Variants in RHOJ observed in about 807,000 individuals in gnomAD.
RHOJ encodes the protein rho-related GTP-binding protein RhoJ.
In RHOJ, 11 loss-of-function variants were observed where a neutral mutation model predicts 23.4. The ratio of observed to expected loss-of-function variants is 0.47; its 90% CI spans 0.30 to 0.78. The LOEUF is 0.78. Among genes scored for constraint, RHOJ ranks in the 30% least tolerant of loss-of-function variants. The pLI, the probability that RHOJ is intolerant of heterozygous loss-of-function variation, is 0.08. For synonymous variants in RHOJ, 102 were observed against 102.7 expected, an observed-to-expected ratio of 0.99 and a Z score of 0.04; for missense variants, 254 against 273.4, an observed-to-expected ratio of 0.93 and a Z score of 0.50.
rs562301669 is a variant in RHOJ at position 63,228,583 on chromosome 14, A to T, written c.178+23536A>T. ...TCTGATAAAGTTGTATGTGAAAAAA[A>T]GTCAAACTACAGAAAAATGTGTATA... is the stretch of plus-strand genomic sequence containing the variant. On this transcript the variant is annotated intron_variant, in intron 1 of 4. Coordinates refer to ENST00000316754, the MANE Select transcript of RHOJ (RefSeq NM_020663.5). Among the ~76,000 whole-genome samples the T allele has an allele frequency of 9.8e-5, 15 of 152,314 alleles. No individual in the cohort carries two copies. In the South Asian group the frequency reaches 3.1e-3, roughly 32 times the overall value.
intron 1 of RHOJ, among the ~76,000 whole-genome samples, chr14:63,223,154 G>A (rs1366338544): frequency 6.6e-6 from 1 of 152,206 alleles, no homozygotes; most frequent in Non-Finnish European, 1.5e-5. Context: ...CATCTTGGAG[G>A]CACTTTCTCC....
At chr14:63,280,275 TTGGCTTC>T (rs1413547972) in intron 2 of RHOJ, among the ~76,000 whole-genome samples, 1 of 152,154 alleles carries the variant, frequency 6.6e-6, no homozygotes, top group Non-Finnish European at 1.5e-5. Context: ...TCCTCCCGCC[TTGGCTTC>T]CAAAGTGCTG....
intron 4 of RHOJ, among the ~76,000 whole-genome samples, chr14:63,286,046 T>G (rs1401702669): frequency 2.0e-5 from 3 of 152,228 alleles, no homozygotes; most frequent in African/African-American, 7.2e-5. Flanking sequence ...TGCTGGGTTT[T>G]TAACATGCAC....
chr14:63,260,676 C>T (rs1302502411), intron 1 of RHOJ, among the ~76,000 whole-genome samples: 1 of 152,170 alleles, frequency 6.6e-6, no homozygotes, highest in Non-Finnish European at 1.5e-5. Flanking sequence ...GAATATTTTA[C>T]CACATTCCCC....
At chr14:63,227,366 ATAAAC>A (rs926245946) in intron 1 of RHOJ, among the ~76,000 whole-genome samples, 8 of 152,236 alleles carry the variant, frequency 5.3e-5, no homozygotes, top group Non-Finnish European at 1.0e-4. Flanking sequence ...TCTTGGGGAA[ATAAAC>A]TAATATATTT....
intron 1 of RHOJ, among the ~76,000 whole-genome samples, chr14:63,258,648 T>A (rs1895222177): frequency 6.6e-6 from 1 of 152,190 alleles, no homozygotes; most frequent in Admixed American, 6.5e-5. Flanking sequence ...CCCTGGGCTT[T>A]CCTGAGTTGC....
chr14:63,226,356 C>T (rs1343446583), intron 1 of RHOJ, among the ~76,000 whole-genome samples: 1 of 151,442 alleles, frequency 6.6e-6, no homozygotes, highest in African/African-American at 2.4e-5. Flanking sequence ...TGTGGGCTAG[C>T]AAAACTCAGG....
intron 1 of RHOJ, among the ~76,000 whole-genome samples, chr14:63,229,730 G>A (rs747011726): frequency 1.3e-5 from 2 of 152,074 alleles, no homozygotes; most frequent in Non-Finnish European, 2.9e-5. Context: ...TGCTTTTAAA[G>A]GGAACATGTG....
chr14:63,218,076 C>G (rs919320304), intron 1 of RHOJ, among the ~76,000 whole-genome samples: 1 of 152,132 alleles, frequency 6.6e-6, no homozygotes, highest in South Asian at 2.1e-4. Context: ...CATTTCTCTT[C>G]TGGCATTTTA....
chr14:63,281,228 T>C (rs886447732), intron 3 of RHOJ, 93 bp downstream of exon 3: 53 of 1,238,292 alleles, frequency 4.3e-5, no homozygotes, highest in Non-Finnish European at 5.5e-5. Flanking sequence ...CCAAACGCTA[T>C]GGAAGTGTGT....
intron 1 of RHOJ, among the ~76,000 whole-genome samples, chr14:63,232,779 C>T (rs1039454861): frequency 4.7e-5 from 7 of 150,348 alleles, no homozygotes; most frequent in African/African-American, 1.7e-4. Flanking sequence ...TCACTGCAAC[C>T]TCCATCTCCC....
intron 2 of RHOJ, among the ~76,000 whole-genome samples, chr14:63,270,480 C>T: frequency 6.6e-6 from 1 of 152,184 alleles, no homozygotes; most frequent in Non-Finnish European, 1.5e-5. Flanking sequence ...AATAGCAAGA[C>T]ATACGACTAA....
intron 1 of RHOJ, among the ~76,000 whole-genome samples, chr14:63,268,405 C>A (rs946209864): frequency 6.6e-6 from 1 of 152,164 alleles, no homozygotes; most frequent in Non-Finnish European, 1.5e-5. Context: ...TAGTAAGCTA[C>A]TGAGTTAAGT....
At chr14:63,251,597 A>C (rs1021662575) in intron 1 of RHOJ, among the ~76,000 whole-genome samples, 1 of 152,182 alleles carries the variant, frequency 6.6e-6, no homozygotes, top group Non-Finnish European at 1.5e-5. Flanking sequence ...CAGATTTACC[A>C]ATCAGATGAT....
At chr14:63,269,199 G>A (rs2139654959) in intron 2 of RHOJ, 31 bp downstream of exon 2, 3 of 1,545,296 alleles carry the variant, frequency 1.9e-6, no homozygotes, top group African/African-American at 2.7e-5. Context: ...TTCATTGGAG[G>A]GCGGTGGTGT....
intron 3 of RHOJ, among the ~76,000 whole-genome samples, chr14:63,282,257 T>C (rs1267290759): frequency 1.4e-5 from 2 of 148,018 alleles, no homozygotes; most frequent in African/African-American, 2.5e-5. Context: ...AGGCACAAAA[T>C]TGAACAATTA....
chr14:63,283,094 A>C, intron 3 of RHOJ, 27 bp from the exon 4 acceptor site: 2 of 1,549,376 alleles, frequency 1.3e-6, no homozygotes, highest in Non-Finnish European at 1.8e-6. Flanking sequence ...GAAAACAAAT[A>C]AGTTTTCACG....
chr14:63,274,827 C>G (rs539606304), intron 2 of RHOJ, among the ~76,000 whole-genome samples: 1 of 152,124 alleles, frequency 6.6e-6, no homozygotes, highest in Non-Finnish European at 1.5e-5. Flanking sequence ...ATGCTATGCA[C>G]GCACACTATA....
intron 1 of RHOJ, among the ~76,000 whole-genome samples, chr14:63,236,848 A>C (rs1894799089): frequency 6.6e-6 from 1 of 152,108 alleles, no homozygotes; most frequent in Non-Finnish European, 1.5e-5. Context: ...AGATACCAAA[A>C]TCCACAGATG....
Sources: gnomAD v4.1 joint callset for allele counts (sites outside exome capture counted in the v4.1 genomes callset) on GRCh38, gnomAD v4.1.1 for gene constraint, MANE v1.5 for transcripts, NCBI Gene and HGNC (gene_info 2026-07-23, HGNC 2026-07-21) for gene names.